Variants in STK3 observed in about 807,000 individuals in gnomAD.
STK3 encodes the protein serine/threonine-protein kinase 3.
A neutral mutation model predicts 58.0 loss-of-function variants in STK3; 41 were observed. That is an observed-to-expected ratio of 0.71 (90% confidence interval 0.55 to 0.92). The LOEUF (loss-of-function observed/expected upper bound fraction) is 0.92. Ranked by LOEUF, STK3 falls within the 40% of genes least tolerant of loss-of-function variation. The pLI is 0.00. For synonymous variants in STK3, 170 were observed against 191.0 expected (o/e 0.89, Z 0.91); for missense variants, 479 against 602.7 (o/e 0.79, Z 2.15).
intron 4 of STK3, among the ~76,000 whole-genome samples, chr8:98,719,959 C>T (rs75403379): frequency 0.065 from 9,910 of 152,260 alleles, 441 homozygotes; most frequent in Non-Finnish European, 0.1. Flanking sequence ...TCTTCCCATT[C>T]GCTTCATATC....
chr8:98,777,981 T>C (rs1422687824), intron 1 of STK3, among the ~76,000 whole-genome samples: 2 of 152,230 alleles, frequency 1.3e-5, no homozygotes, highest in South Asian at 2.1e-4. Context: ...AAGGACTTCA[T>C]GTCTAAAACA....
intron 3 of STK3, among the ~76,000 whole-genome samples, chr8:98,869,015 A>AAAGGAAAGAAGGAAGGAAGGAAGG (rs1335594043): frequency 3.9e-3 from 463 of 118,778 alleles, no homozygotes; most frequent in Middle Eastern, 0.012. Context: ...AGAGAGAGAA[A>AAAGGAAAGAAGGAAGGAAGGAAGG]AAGGAAAGAA....
intron 6 of STK3, chr8:98,633,688 G>C (rs962418832): frequency 3.6e-5 from 25 of 693,332 alleles, no homozygotes; most frequent in Non-Finnish European, 6.2e-5. Flanking sequence ...TACAAGGTTA[G>C]AGAATACAAA....
intron 1 of STK3, among the ~76,000 whole-genome samples, chr8:98,385,852 G>T (rs1038090635): frequency 6.6e-6 from 1 of 152,156 alleles, no homozygotes; most frequent in Admixed American, 6.5e-5. Flanking sequence ...TCTTCTCCCC[G>T]TATTCCAAAT....
At chr8:98,429,280 A>T in intron 3 of STK3, 1 of 1,614,084 alleles carries the variant, frequency 6.2e-7, no homozygotes, top group Non-Finnish European at 8.5e-7. Flanking sequence ...GACTTTGGAG[A>T]TGGAATGAAG....
chr8:98,432,559 T>A (rs1011393446), intron 3 of STK3: 1 of 167,108 alleles, frequency 6.0e-6, no homozygotes, highest in African/African-American at 2.4e-5. Context: ...TAATTGGTAT[T>A]TAACATTTGC....
At chr8:98,417,540 C>T (rs1045147230) in intron 3 of STK3, among the ~76,000 whole-genome samples, 6 of 152,020 alleles carry the variant, frequency 3.9e-5, no homozygotes, top group Non-Finnish European at 5.9e-5. Context: ...AATAAACAAA[C>T]AAACAAACAG....
At chr8:98,627,576 T>C (rs973879034) in intron 6 of STK3, among the ~76,000 whole-genome samples, 1 of 151,772 alleles carries the variant, frequency 6.6e-6, no homozygotes, top group African/African-American at 2.4e-5. Context: ...TATCACCATG[T>C]GACATACTCA....
At chr8:98,842,410 T>C (rs1836027637) in intron 3 of STK3, among the ~76,000 whole-genome samples, 6 of 152,200 alleles carry the variant, frequency 3.9e-5, no homozygotes. Flanking sequence ...TTGGCCAGCC[T>C]TACACCTATA....
chr8:98,624,277 T>C (rs1398453030), intron 6 of STK3, among the ~76,000 whole-genome samples: 2 of 152,184 alleles, frequency 1.3e-5, no homozygotes, highest in Non-Finnish European at 2.9e-5. Context: ...GGTAAAAACC[T>C]TTGAGGTTTT....
At chr8:98,822,181 G>C (rs1834954080) in intron 1 of STK3, among the ~76,000 whole-genome samples, 1 of 152,198 alleles carries the variant, frequency 6.6e-6, no homozygotes, top group African/African-American at 2.4e-5. Context: ...GAGTGTAATT[G>C]AGAAGAAATA....
At chr8:98,836,710 G>A (rs982265254) in intron 3 of STK3, among the ~76,000 whole-genome samples, 2 of 151,992 alleles carry the variant, frequency 1.3e-5, no homozygotes, top group African/African-American at 4.8e-5. Context: ...AGAATCCCAG[G>A]CCCCACTATA....
chr8:98,653,614 G>C (rs1821178431), intron 6 of STK3, among the ~76,000 whole-genome samples: 1 of 151,882 alleles, frequency 6.6e-6, no homozygotes, highest in East Asian at 1.9e-4. Context: ...AAAGAGAGAA[G>C]AATCAAATAG....
At position 98,574,140 on chromosome 8, in the gene STK3, A is replaced by T. The variant is rs1198222896; in HGVS notation, c.948+5524T>A. ...ATATCAACTGTTGGCTATAGGAACCAGAAAAGTAACAGGAAAAGTAAAAAA... is the reference window on the plus strand; with the variant it reads ...ATATCAACTGTTGGCTATAGGAACCTGAAAAGTAACAGGAAAAGTAAAAAA... On this transcript the variant is annotated intron_variant, in intron 8 of 10. Transcript: ENST00000419617. 7.2e-5 allele frequency among the ~76,000 whole-genome samples: 11 copies of T among 152,308 alleles called. No individual in the cohort carries two copies. In the East Asian group the frequency reaches 2.1e-3, roughly 29 times the overall value.
intron 1 of STK3, among the ~76,000 whole-genome samples, chr8:98,801,056 T>C (rs1587657935): frequency 1.3e-5 from 2 of 152,344 alleles, no homozygotes; most frequent in Non-Finnish European, 2.9e-5. Flanking sequence ...GTTCCTGTGT[T>C]GGGTGGGGAC....
chr8:98,812,828 T>C (rs961184862), intron 1 of STK3, among the ~76,000 whole-genome samples: 9 of 152,066 alleles, frequency 5.9e-5, no homozygotes, highest in African/African-American at 7.2e-5. Context: ...TAGGTGGGAA[T>C]TGAACAATGA....
Position 98,428,856 on chromosome 8 carries a change from G to T in STK3, n.483+5271C>A, listed in dbSNP as rs909380214. On this transcript the variant is annotated intron_variant and non_coding_transcript_variant, in intron 3 of 3. Coordinates refer to the STK3 transcript ENST00000517832. This position sits in a 1 kb window ranked among gnomAD's most constrained non-coding sequence, Gnocchi z 6.7. ...ACCTACTTTAGCCAACTTGGGCAGG[G>T]TGGCCCAGGTCCTGAGGCTGATGCG... The T allele has an allele frequency of 6.2e-7, 1 of 1,614,188 alleles. No individual in the cohort carries two copies. Among genetic ancestry groups the T allele is most frequent in the South Asian group, 1.1e-5 (1 of 91,078 alleles).
intron 4 of STK3, among the ~76,000 whole-genome samples, chr8:98,710,251 G>A (rs1389788383): frequency 6.6e-6 from 1 of 152,146 alleles, no homozygotes; most frequent in Non-Finnish European, 1.5e-5. Context: ...ATTTCCAACT[G>A]AGGTACCAGA....
chr8:98,574,988 C>A lies in STK3; in HGVS notation c.948+4676G>T, dbSNP rs539046936. ...CTACCCATAATGATATAATTTTATG[C>A]CTGACCCACCATTGTACATTGGCTA... On this transcript the variant is annotated intron_variant, in intron 8 of 10. Coordinates refer to ENST00000419617, the MANE Select transcript of STK3 (RefSeq NM_006281.4). Among the ~76,000 whole-genome samples, 19 of 152,026 alleles carry A rather than the reference C, an allele frequency of 1.2e-4. 1 individual carries two copies. In the South Asian group the frequency reaches 4.0e-3, roughly 32 times the overall value.
Sources: gnomAD v4.1 joint callset for allele counts (sites outside exome capture counted in the v4.1 genomes callset) on GRCh38, gnomAD v4.1.1 for gene constraint, Gnocchi (gnomAD v3.1) non-coding constraint, MANE v1.5 for transcripts, NCBI Gene and HGNC (gene_info 2026-07-23, HGNC 2026-07-21) for gene names.